DPP10: variants seen among roughly 807,000 people sequenced by gnomAD.
DPP10 encodes inactive dipeptidyl peptidase 10.
Under a neutral mutation model 120.9 loss-of-function variants are expected in DPP10, and 33 were observed. The ratio of observed to expected loss-of-function variants is 0.27; its 90% CI spans 0.21 to 0.37. The LOEUF (loss-of-function observed/expected upper bound fraction) is 0.37. DPP10 is among the 10% of genes least tolerant of loss of function. The probability of loss-of-function intolerance (pLI) is 1.00; values close to 1 mark genes in which losing one functional copy is unlikely to be tolerated. For synonymous variants in DPP10, 337 were observed against 326.1 expected (o/e 1.03, Z -0.36); for missense variants, 816 against 942.8 (o/e 0.87, Z 1.76).
intron 1 of DPP10, among the ~76,000 whole-genome samples, chr2:115,249,669 T>C (rs1300695635): frequency 6.6e-6 from 1 of 152,176 alleles, no homozygotes; most frequent in Non-Finnish European, 1.5e-5. Context: ...TTCTACTTTT[T>C]TTCCCCTTTC....
Position 114,528,889 on chromosome 2 carries a change from A to G in DPP10, c.60+86051A>G, listed in dbSNP as rs541266072. ...ACCATTCACTTCTGTTCCTCTTTAC[A>G]TATGGACAATGGGAGGAACTGACTA... On this transcript the variant is annotated intron_variant, in intron 1 of 25. Coordinates refer to ENST00000410059, the MANE Select transcript of DPP10 (RefSeq NM_020868.6). Among the ~76,000 whole-genome samples, 3 of 152,026 alleles carry G rather than the reference A, an allele frequency of 2.0e-5. No homozygotes were observed. The East Asian group carries it at 5.8e-4, about 29-fold the overall frequency.
At chr2:114,633,902 G>A (rs1031807008) in intron 1 of DPP10, among the ~76,000 whole-genome samples, 1 of 151,780 alleles carries the variant, frequency 6.6e-6, no homozygotes, top group Non-Finnish European at 1.5e-5. Context: ...GTCATGAGCT[G>A]CCAAGCCCGG....
intron 1 of DPP10, among the ~76,000 whole-genome samples, chr2:115,278,427 C>T (rs1368333536): frequency 6.6e-6 from 1 of 152,160 alleles, no homozygotes; most frequent in African/African-American, 2.4e-5. Context: ...TTGAATCTGA[C>T]TGCTCAAAAG....
At chr2:115,703,896 T>G (rs1372213391) in intron 7 of DPP10, among the ~76,000 whole-genome samples, 2 of 152,002 alleles carry the variant, frequency 1.3e-5, no homozygotes, top group African/African-American at 2.4e-5. Flanking sequence ...AATAATTCAC[T>G]TAATTCAGAG....
At chr2:115,769,943 T>G (rs1233169032) in intron 13 of DPP10, among the ~76,000 whole-genome samples, 1 of 138,338 alleles carries the variant, frequency 7.2e-6, no homozygotes, top group Non-Finnish European at 1.6e-5. Context: ...TTTTATATTC[T>G]AGAAGCTCTG....
At chr2:115,215,994 C>G (rs1023308707) in intron 1 of DPP10, among the ~76,000 whole-genome samples, 1 of 152,102 alleles carries the variant, frequency 6.6e-6, no homozygotes, top group Non-Finnish European at 1.5e-5. Flanking sequence ...GAAATTATGT[C>G]TTCTGCAGCA....
At chr2:114,853,565 A>G (rs148756913) in intron 1 of DPP10, among the ~76,000 whole-genome samples, 23 of 152,308 alleles carry the variant, frequency 1.5e-4, no homozygotes, top group African/African-American at 5.1e-4. Flanking sequence ...TTGAAAGGCC[A>G]TCTCTGAAGA....
Position 115,061,984 on chromosome 2 carries a change from T to A in DPP10, c.61-247255T>A, listed in dbSNP as rs191678504. On this transcript the variant is annotated intron_variant, in intron 1 of 25. Transcript: ENST00000410059. Reference sequence around the variant, plus strand: ...GGCTATTCTTTTCTGTTGTTTTTTTTAAATATTTTGTTTCCATAATGTGGA... The same window carrying A: ...GGCTATTCTTTTCTGTTGTTTTTTTAAAATATTTTGTTTCCATAATGTGGA... Among the ~76,000 whole-genome samples, 210 of 152,188 alleles carry A rather than the reference T, an allele frequency of 1.4e-3. 1 individual carries two copies. Among genetic ancestry groups the A allele is most frequent in the Middle Eastern group, 3.4e-3 (1 of 294 alleles).
intron 1 of DPP10, among the ~76,000 whole-genome samples, chr2:114,612,861 T>C (rs1693390008): frequency 6.6e-6 from 1 of 152,334 alleles, no homozygotes; most frequent in African/African-American, 2.4e-5. Flanking sequence ...AAATGACATA[T>C]AATAATCACT....
At chr2:114,859,891 A>G (rs1689676393) in intron 1 of DPP10, among the ~76,000 whole-genome samples, 1 of 152,208 alleles carries the variant, frequency 6.6e-6, no homozygotes, top group Admixed American at 6.5e-5. Context: ...TGAAGCATTA[A>G]TTATACATAT....
intron 3 of DPP10, among the ~76,000 whole-genome samples, chr2:115,390,773 A>G (rs2067264741): frequency 6.6e-6 from 1 of 152,146 alleles, no homozygotes; most frequent in East Asian, 1.9e-4. Context: ...GAATGCCAAA[A>G]CTATCTAGAC....
At chr2:115,331,167 T>C (rs533538841) in intron 2 of DPP10, among the ~76,000 whole-genome samples, 4 of 152,288 alleles carry the variant, frequency 2.6e-5, no homozygotes, top group African/African-American at 9.6e-5. Context: ...GATTCCTAGG[T>C]ATTTTATTCT....
chr2:114,754,679 G>A (rs1038817214), intron 1 of DPP10, among the ~76,000 whole-genome samples: 3 of 152,036 alleles, frequency 2.0e-5, no homozygotes, highest in Non-Finnish European at 2.9e-5. Context: ...TCTAGCATGC[G>A]GCCTAGGTCA....
At chr2:114,560,079 C>G (rs763527458) in intron 1 of DPP10, among the ~76,000 whole-genome samples, 9 of 152,076 alleles carry the variant, frequency 5.9e-5, no homozygotes, top group Admixed American at 1.3e-4. Context: ...ATTCTATCAT[C>G]ATGGTTTTTA....
Position 114,467,495 on chromosome 2 carries a change from G to C in DPP10, c.60+24657G>C, listed in dbSNP as rs150808336. ...GTGGATCAAACAAAATAGATGTCTAGAGATCAGAGTTGGTTCATATTGTTT... is the reference window on the plus strand; with the variant it reads ...GTGGATCAAACAAAATAGATGTCTACAGATCAGAGTTGGTTCATATTGTTT... On this transcript the variant is annotated intron_variant, in intron 1 of 25. Transcript: ENST00000410059. Among the ~76,000 whole-genome samples the C allele has an allele frequency of 1.8e-4, 27 of 152,136 alleles. No individual in the cohort carries two copies. The East Asian group carries it at 3.9e-3, about 22-fold the overall frequency.
At chr2:114,954,089 T>TTTG (rs1698013328) in intron 1 of DPP10, among the ~76,000 whole-genome samples, 1 of 148,428 alleles carries the variant, frequency 6.7e-6, no homozygotes, top group African/African-American at 2.5e-5. Context: ...CCTTTTTTTT[T>TTTG]TTTTTTTTTG....
At chr2:114,445,732 T>C (rs184694360) in intron 1 of DPP10, among the ~76,000 whole-genome samples, 27 of 151,976 alleles carry the variant, frequency 1.8e-4, no homozygotes, top group Admixed American at 5.9e-4. Context: ...TGATCAAGAG[T>C]ATTCAGGTTG....
chr2:114,609,802 G>A (rs745355022), intron 1 of DPP10, among the ~76,000 whole-genome samples: 1 of 152,144 alleles, frequency 6.6e-6, no homozygotes, highest in Middle Eastern at 3.2e-3. Context: ...GCATCAACAA[G>A]AATTGTAAGA....
At chr2:114,788,320 A>T (rs1269051351) in intron 1 of DPP10, among the ~76,000 whole-genome samples, 2 of 152,174 alleles carry the variant, frequency 1.3e-5, no homozygotes, top group African/African-American at 4.8e-5. Flanking sequence ...GTTTATCTAA[A>T]TATATGTATA....
Sources: allele counts gnomAD v4.1 joint callset (sites outside exome capture counted in the v4.1 genomes callset), GRCh38; gene constraint gnomAD v4.1.1; transcripts MANE v1.5; gene names NCBI Gene and HGNC (gene_info 2026-07-23, HGNC 2026-07-21).